The following CCDC144A variants were observed in gnomAD, a reference collection of about 807,000 sequenced individuals.
The protein encoded by CCDC144A is coiled-coil domain-containing protein 144A.
A neutral mutation model predicts 143.8 loss-of-function variants in CCDC144A; 41 were observed. That is an observed-to-expected ratio of 0.29 (90% CI 0.22 to 0.37). CCDC144A has a LOEUF of 0.37. CCDC144A is among the 10% of genes least tolerant of loss of function. The pLI, the probability that CCDC144A is intolerant of heterozygous loss-of-function variation, is 1.00. For synonymous variants in CCDC144A, 242 were observed against 517.9 expected, an observed-to-expected ratio of 0.47 and a Z score of 7.23; for missense variants, 637 against 1,488.8, an observed-to-expected ratio of 0.43 and a Z score of 9.41.
In CCDC144A at chr17:16,746,099, T is replaced by C. The variant is rs1914491571; in HGVS notation, c.3372+10456T>C. On this transcript the variant is annotated intron_variant, in intron 12 of 16. Transcript: ENST00000399273. ...GCGAGCCTTCCACGGGCCTGGCTTT[T>C]ACGACTGCACCGGGAGCACAGGATT... The C allele has an allele frequency of 1.9e-6, 3 of 1,601,084 alleles. No homozygotes were observed. In the Admixed American group the frequency reaches 5.1e-5, roughly 27 times the overall value.
chr17:16,762,933 T>G (rs1386216749), intron 14 of CCDC144A, among the ~76,000 whole-genome samples: 17 of 120,696 alleles, frequency 1.4e-4, no homozygotes, highest in African/African-American at 4.6e-4. Flanking sequence ...AAATACTAAT[T>G]AATTAATTTC....
At chr17:16,674,349 G>C in the CCDC144A span, among the ~76,000 whole-genome samples, 1 of 152,104 alleles carries the variant, frequency 6.6e-6, no homozygotes, top group Non-Finnish European at 1.5e-5. Context: ...GAAAAGTTGA[G>C]GCTGCAGAAG....
chr17:16,768,831 G>A (rs1597598261), intron 15 of CCDC144A, among the ~76,000 whole-genome samples: 2 of 151,120 alleles, frequency 1.3e-5, no homozygotes, highest in Non-Finnish European at 2.9e-5. Context: ...TTAAAGTGGA[G>A]GTAGTTGTGA....
intron 12 of CCDC144A, among the ~76,000 whole-genome samples, chr17:16,761,184 A>C (rs1470741074): frequency 2.0e-5 from 3 of 152,166 alleles, no homozygotes; most frequent in Non-Finnish European, 4.4e-5. Context: ...TAAATTAAAA[A>C]AAATTTAGCC....
At chr17:16,674,754 A>G in the CCDC144A span, among the ~76,000 whole-genome samples, 1 of 152,128 alleles carries the variant, frequency 6.6e-6, no homozygotes, top group African/African-American at 2.4e-5. Flanking sequence ...ACCAATTTCA[A>G]TAATAAATAT....
At chr17:16,736,301 G>A (rs1200020097) in intron 12 of CCDC144A, among the ~76,000 whole-genome samples, 5 of 147,514 alleles carry the variant, frequency 3.4e-5, no homozygotes, top group South Asian at 2.1e-4. Flanking sequence ...TAGTAGAGAC[G>A]GAGTTTTGCC....
At chr17:16,687,890 T>A (rs1910839253), upstream of CCDC144A, among the ~76,000 whole-genome samples, 1 of 151,966 alleles carries the variant, frequency 6.6e-6, no homozygotes, top group Admixed American at 6.6e-5. Flanking sequence ...AGTAGCACAC[T>A]AATTTTTTTT....
chr17:16,728,748 C>G (rs1197147118), intron 9 of CCDC144A, among the ~76,000 whole-genome samples: 2 of 152,052 alleles, frequency 1.3e-5, no homozygotes, highest in Non-Finnish European at 2.9e-5. Context: ...CCACACTCTC[C>G]CACTTCTGAT....
intron 12 of CCDC144A, among the ~76,000 whole-genome samples, chr17:16,742,141 C>T (rs941051881): frequency 6.6e-6 from 1 of 151,774 alleles, no homozygotes; most frequent in African/African-American, 2.4e-5. Context: ...TGCAACAGAA[C>T]ACTAGAATTC....
intron 12 of CCDC144A, among the ~76,000 whole-genome samples, chr17:16,749,615 G>C (rs1046914808): frequency 4.6e-5 from 7 of 152,222 alleles, no homozygotes; most frequent in Non-Finnish European, 1.0e-4. Flanking sequence ...AATTAGTCAA[G>C]TGTTAAATTT....
At chr17:16,770,193 A>G (rs546071461) in intron 15 of CCDC144A, among the ~76,000 whole-genome samples, 3 of 152,066 alleles carry the variant, frequency 2.0e-5, no homozygotes, top group Admixed American at 1.3e-4. Flanking sequence ...TCTGTCACCC[A>G]GGCTGGAGTG....
chr17:16,748,276 T>C (rs1340791454), intron 12 of CCDC144A, among the ~76,000 whole-genome samples: 1 of 152,204 alleles, frequency 6.6e-6, no homozygotes, highest in Non-Finnish European at 1.5e-5. Context: ...CTTTGATGCC[T>C]AATTTGTTGG....
chr17:16,741,313 C>T (rs1345168097), intron 12 of CCDC144A, among the ~76,000 whole-genome samples: 2 of 151,978 alleles, frequency 1.3e-5, no homozygotes, highest in Non-Finnish European at 2.9e-5. Flanking sequence ...GGACTGGAAT[C>T]ATCTGAAGGT....
At chr17:16,696,549 A>G (rs886522261) in intron 2 of CCDC144A, among the ~76,000 whole-genome samples, 1 of 150,082 alleles carries the variant, frequency 6.7e-6, no homozygotes, top group African/African-American at 2.5e-5. Context: ...CAGGAGAATC[A>G]CTTGAACCTT....
At chr17:16,766,755 A>T (rs933318578) in intron 15 of CCDC144A, among the ~76,000 whole-genome samples, 7 of 152,198 alleles carry the variant, frequency 4.6e-5, no homozygotes, top group Non-Finnish European at 8.8e-5. Context: ...TGGGGGAAAA[A>T]AAATAAATAA....
intron 5 of CCDC144A, among the ~76,000 whole-genome samples, chr17:16,710,961 C>A (rs1476441207): frequency 1.4e-5 from 2 of 145,552 alleles, no homozygotes; most frequent in East Asian, 4.0e-4. Flanking sequence ...AAAGTAGATT[C>A]TTATACTGTA....
intron 8 of CCDC144A, among the ~76,000 whole-genome samples, chr17:16,725,162 T>A (rs1363225192): frequency 1.3e-5 from 2 of 151,568 alleles, no homozygotes; most frequent in Non-Finnish European, 2.9e-5. Context: ...TGCTTTTTTT[T>A]AATAGGAAGC....
rs543717259 is a variant in CCDC144A at position 16,758,657 on chromosome 17, TA to T, written c.3373-2767del. On this transcript the variant is annotated intron_variant, in intron 12 of 16. Transcript: ENST00000399273. ...AACCATCCTCTGTGGCTTTTTGTGG[TA>T]CCTTCTTGGCTCTTTGTTGTATCCT... 3.3e-5 allele frequency among the ~76,000 whole-genome samples: 5 copies of T among 152,388 alleles called. No individual in the cohort carries two copies. The South Asian group carries it at 1.0e-3, about 32-fold the overall frequency.
intron 15 of CCDC144A, among the ~76,000 whole-genome samples, chr17:16,770,577 A>C (rs1043772941): frequency 1.3e-5 from 2 of 151,926 alleles, no homozygotes; most frequent in African/African-American, 4.9e-5. Context: ...TTGTGACCTC[A>C]GGCAAGCTGC....
Sources: gnomAD v4.1 joint callset for allele counts (sites outside exome capture counted in the v4.1 genomes callset) on GRCh38, gnomAD v4.1.1 for gene constraint, MANE v1.5 for transcripts, NCBI Gene and HGNC (gene_info 2026-07-23, HGNC 2026-07-21) for gene names.